Variants in TRPM3 observed in about 807,000 individuals in gnomAD.
The protein encoded by TRPM3 is long transient receptor potential channel 3.
Under a neutral mutation model 181.2 loss-of-function variants are expected in TRPM3, and 77 were observed. That is an observed-to-expected ratio of 0.42 (90% CI 0.35 to 0.51). TRPM3 has a LOEUF of 0.51. Among genes scored for constraint, TRPM3 ranks in the 20% least tolerant of loss-of-function variants. TRPM3 has a pLI of 0.01. For synonymous variants in TRPM3, 745 were observed against 796.4 expected (o/e 0.94, Z 1.09); for missense variants, 1,759 against 2,196.7 (o/e 0.80, Z 3.98).
chr9:70,854,521 C>G (rs1223185633), intron 3 of TRPM3, among the ~76,000 whole-genome samples: 3 of 152,140 alleles, frequency 2.0e-5, no homozygotes, highest in Non-Finnish European at 2.9e-5. Flanking sequence ...AGTAACTTGC[C>G]TTTAGCTCTT....
intron 22 of TRPM3, among the ~76,000 whole-genome samples, chr9:70,565,388 G>C (rs1564350220): frequency 6.6e-6 from 1 of 152,126 alleles, no homozygotes; most frequent in African/African-American, 2.4e-5. Flanking sequence ...CCAACTCCTG[G>C]GTTCAAGTGA....
chr9:71,066,081 G>T (rs2061885266), intron 1 of TRPM3, among the ~76,000 whole-genome samples: 1 of 152,242 alleles, frequency 6.6e-6, no homozygotes, highest in East Asian at 1.9e-4. Context: ...CACCCAGATT[G>T]CTTTGCTTCA....
chr9:71,051,601 G>GT (rs1491140376), intron 1 of TRPM3, among the ~76,000 whole-genome samples: 1 of 150,646 alleles, frequency 6.6e-6, no homozygotes, highest in East Asian at 2.3e-4. Flanking sequence ...TGGCGGCGGG[G>GT]TGGGGGGGTT....
At chr9:70,890,793 G>A (rs1224352844) in intron 1 of TRPM3, among the ~76,000 whole-genome samples, 2 of 151,924 alleles carry the variant, frequency 1.3e-5, no homozygotes, top group African/African-American at 4.8e-5. Flanking sequence ...GAAAAAACAT[G>A]GTATCTAAAA....
chr9:71,356,159 G>C (rs1008464556), intron 1 of TRPM3, among the ~76,000 whole-genome samples: 1 of 152,092 alleles, frequency 6.6e-6, no homozygotes, highest in Non-Finnish European at 1.5e-5. Context: ...TACTTTTACT[G>C]TAGCCCTGTA....
At chr9:70,628,797 C>T (rs1031384403) in intron 12 of TRPM3, among the ~76,000 whole-genome samples, 15 of 117,472 alleles carry the variant, frequency 1.3e-4, no homozygotes, top group Non-Finnish European at 2.1e-4. Context: ...ACCATCTGGG[C>T]GACAGAGCAA....
At chr9:71,172,216 G>A (rs111241941) in intron 1 of TRPM3, among the ~76,000 whole-genome samples, 21 of 152,112 alleles carry the variant, frequency 1.4e-4, no homozygotes, top group African/African-American at 4.8e-4. Flanking sequence ...GAAGGCAGGT[G>A]TTTTGGAGGA....
At chr9:71,112,862 C>A (rs763921547) in intron 1 of TRPM3, among the ~76,000 whole-genome samples, 30 of 152,218 alleles carry the variant, frequency 2.0e-4, no homozygotes, top group South Asian at 1.0e-3. Flanking sequence ...TACTTACCTG[C>A]GTTGAGCATT....
chr9:71,166,445 A>C (rs1294494215), intron 1 of TRPM3, among the ~76,000 whole-genome samples: 1 of 152,058 alleles, frequency 6.6e-6, no homozygotes, highest in Non-Finnish European at 1.5e-5. Context: ...GGAAGTGAGG[A>C]TCTAGAGACC....
At chr9:71,243,151 C>T (rs748008994) in intron 1 of TRPM3, among the ~76,000 whole-genome samples, 3 of 152,192 alleles carry the variant, frequency 2.0e-5, no homozygotes, top group Admixed American at 1.3e-4. Context: ...AAGTGATTCT[C>T]CTATCTCAGC....
Position 71,335,782 on chromosome 9 carries a change from A to G in TRPM3, c.183+110871T>C, listed in dbSNP as rs2090510678. On this transcript the variant is annotated intron_variant, in intron 1 of 24. Transcript: ENST00000357533. ...CAGGTATGGTCTAACATCAAGTGGA[A>G]TTTATTAGAATCTAACAAACAGTTT... Among the ~76,000 whole-genome samples the G allele has an allele frequency of 6.2e-5, 4 of 64,162 alleles. No homozygotes were observed. The South Asian group carries it at 2.6e-3, about 41-fold the overall frequency. The allele number at this position is 64,162 out of a possible 152,430, so 42.1% of individuals were successfully genotyped here. A position where few individuals can be genotyped will look rare whatever the true frequency, so the allele number is the denominator to read the frequency against.
At chr9:71,048,693 G>A (rs544516904) in intron 1 of TRPM3, among the ~76,000 whole-genome samples, 1 of 152,278 alleles carries the variant, frequency 6.6e-6, no homozygotes, top group South Asian at 2.1e-4. Flanking sequence ...GGTTAGAGCT[G>A]GAGTCTTGCT....
intron 1 of TRPM3, among the ~76,000 whole-genome samples, chr9:71,295,835 T>C (rs1202925769): frequency 1.1e-5 from 1 of 93,226 alleles, no homozygotes; most frequent in Non-Finnish European, 2.2e-5. Context: ...TGAGATCCCG[T>C]CTCAAAAAAA....
At chr9:70,834,924 A>G (rs939849086) in intron 5 of TRPM3, among the ~76,000 whole-genome samples, 2 of 152,144 alleles carry the variant, frequency 1.3e-5, no homozygotes, top group African/African-American at 4.8e-5. Flanking sequence ...CTCATGTTGA[A>G]ATGTAATCCC....
At chr9:70,941,165 A>T (rs1006223434) in intron 1 of TRPM3, among the ~76,000 whole-genome samples, 1 of 152,200 alleles carries the variant, frequency 6.6e-6, no homozygotes, top group African/African-American at 2.4e-5. Context: ...TAGTTGAGTC[A>T]GTAGACTGGG....
chr9:71,198,670 G>A (rs1439330954), intron 1 of TRPM3, among the ~76,000 whole-genome samples: 2 of 151,172 alleles, frequency 1.3e-5, no homozygotes, highest in African/African-American at 4.9e-5. Context: ...TTGGCTCTCT[G>A]TTTGTCTGTT....
intron 1 of TRPM3, among the ~76,000 whole-genome samples, chr9:71,003,929 T>C (rs2097646199): frequency 6.6e-6 from 1 of 152,258 alleles, no homozygotes; most frequent in East Asian, 1.9e-4. Flanking sequence ...TCCTCCAAGA[T>C]AGAATAACAT....
At position 71,363,396 on chromosome 9, in the gene TRPM3, G is replaced by A. The variant is rs1037104977; in HGVS notation, c.183+83257C>T. Among the ~76,000 whole-genome samples, 7 of 152,156 alleles carry A rather than the reference G, an allele frequency of 4.6e-5. No individual in the cohort carries two copies. In the East Asian group the frequency reaches 1.3e-3, roughly 29 times the overall value. ...GGAGATTACAATTACCATTAATTGA[G>A]ATTACAATTACCATTAAATAGCAGG... is the stretch of plus-strand genomic sequence containing the variant. On this transcript the variant is annotated intron_variant, in intron 1 of 24. Coordinates refer to the TRPM3 transcript ENST00000357533.
intron 22 of TRPM3, among the ~76,000 whole-genome samples, chr9:70,589,196 G>T (rs1187058416): frequency 6.6e-6 from 1 of 152,184 alleles, no homozygotes; most frequent in Non-Finnish European, 1.5e-5. Flanking sequence ...TCTCCAGGGG[G>T]TTTTCAAGTT....
Sources: gnomAD v4.1 joint callset for allele counts (sites outside exome capture counted in the v4.1 genomes callset) on GRCh38, gnomAD v4.1.1 for gene constraint, MANE v1.5 for transcripts, NCBI Gene and HGNC (gene_info 2026-07-23, HGNC 2026-07-21) for gene names.